The following HMGA2 variants were observed in gnomAD, a reference collection of about 807,000 sequenced individuals.
HMGA2 encodes the protein high mobility group protein HMGI-C.
Under a neutral mutation model 19.1 loss-of-function variants are expected in HMGA2, and 8 were observed. The ratio of observed to expected loss-of-function variants is 0.42; its 90% CI spans 0.25 to 0.76. The LOEUF (loss-of-function observed/expected upper bound fraction) is 0.76, where lower values mean the gene tolerates loss of function less well. HMGA2 is among the 30% of genes least tolerant of loss of function. The probability of loss-of-function intolerance (pLI) is 0.28; values close to 1 mark genes in which losing one functional copy is unlikely to be tolerated. For missense variants in HMGA2, 109 were observed against 136.3 expected (o/e 0.80, Z 1.00); for synonymous variants, 60 against 48.8 (o/e 1.23, Z -0.96).
At chr12:65,838,705 A>G (rs1007878647) in intron 3 of HMGA2, 136 bp downstream of exon 3, 15 of 690,364 alleles carry the variant, frequency 2.2e-5, no homozygotes, top group Non-Finnish European at 3.1e-5. Context: ...GGTTAAGTCA[A>G]GAGACAAATT....
At chr12:65,941,823 T>C (rs1398157656) in intron 3 of HMGA2, among the ~76,000 whole-genome samples, 3 of 152,240 alleles carry the variant, frequency 2.0e-5, no homozygotes, top group African/African-American at 7.2e-5. Context: ...ATTTTCTGAG[T>C]ATTGATTCTA....
At chr12:65,864,799 C>T (rs1314987099) in intron 3 of HMGA2, among the ~76,000 whole-genome samples, 1 of 152,120 alleles carries the variant, frequency 6.6e-6, no homozygotes, top group East Asian at 1.9e-4. Context: ...GATTATTTAA[C>T]TATGATTAGA....
At chr12:65,893,196 G>A (rs1873987829) in intron 3 of HMGA2, among the ~76,000 whole-genome samples, 1 of 152,156 alleles carries the variant, frequency 6.6e-6, no homozygotes, top group East Asian at 1.9e-4. Context: ...TCGAATTGCT[G>A]TTAGTACAGG....
chr12:65,830,761 T>C (rs1208710473), intron 2 of HMGA2: 1 of 151,926 alleles, frequency 6.6e-6, no homozygotes, highest in Non-Finnish European at 1.5e-5. Context: ...AGTGAATGAC[T>C]ACTAAATTAG....
At chr12:65,926,715 A>G (rs1307367855) in intron 3 of HMGA2, among the ~76,000 whole-genome samples, 3 of 152,210 alleles carry the variant, frequency 2.0e-5, no homozygotes, top group Non-Finnish European at 2.9e-5. Context: ...AGTCTCATTA[A>G]CCATGAAGAT....
intron 3 of HMGA2, among the ~76,000 whole-genome samples, chr12:65,923,221 A>G (rs1875383761): frequency 6.6e-6 from 1 of 152,214 alleles, no homozygotes; most frequent in Non-Finnish European, 1.5e-5. Context: ...AAGTAAAAAA[A>G]AGAAGAAAAA....
At chr12:65,866,611 A>AT (rs906333607) in intron 3 of HMGA2, among the ~76,000 whole-genome samples, 1 of 152,184 alleles carries the variant, frequency 6.6e-6, no homozygotes, top group Non-Finnish European at 1.5e-5. Context: ...AGGCAAGATG[A>AT]TTCATTATAT....
chr12:65,845,344 T>C (rs1871189151), intron 3 of HMGA2, among the ~76,000 whole-genome samples: 1 of 152,146 alleles, frequency 6.6e-6, no homozygotes, highest in Non-Finnish European at 1.5e-5. Context: ...TCTCAGCTCA[T>C]TGCAGTTTCT....
At chr12:65,903,650 TAGCAAAATGCTTCTGAC>T (rs2121184811) in intron 3 of HMGA2, among the ~76,000 whole-genome samples, 1 of 152,222 alleles carries the variant, frequency 6.6e-6, no homozygotes, top group South Asian at 2.1e-4. Context: ...GGTTAAATGT[TAGCAAAATGCTTCTGAC>T]AGGCGTGTCA....
intron 4 of HMGA2, among the ~76,000 whole-genome samples, chr12:65,959,547 C>T (rs999454289): frequency 6.6e-6 from 1 of 152,184 alleles, no homozygotes; most frequent in African/African-American, 2.4e-5. Flanking sequence ...GGGAGCTTTT[C>T]GGTGTTTAGA....
chr12:65,825,408 C>G lies in HMGA2; in HGVS notation c.111+27C>G. Reference sequence around the variant, plus strand: ...TCAGTACGAGGGCGCGGTGGGGGCACCAGCCCACCCCGTCCCCACTGCCGG... The same window carrying G: ...TCAGTACGAGGGCGCGGTGGGGGCAGCAGCCCACCCCGTCCCCACTGCCGG... On this transcript the variant is annotated intron_variant, in intron 1 of 4. Transcript: ENST00000403681. This position sits in a 1 kb window ranked among gnomAD's most constrained non-coding sequence, Gnocchi z 4.4. 6.9e-7 allele frequency: 1 copy of G among 1,456,734 alleles called. No homozygotes were observed. The highest frequency in any genetic ancestry group is 9.2e-7 in the Non-Finnish European group (1 of 1,090,516). The allele number at this position is 1,456,734 out of a possible 1,614,324, so 90.2% of individuals were successfully genotyped here.
At chr12:65,911,727 T>C (rs1458132301) in intron 3 of HMGA2, among the ~76,000 whole-genome samples, 2 of 152,194 alleles carry the variant, frequency 1.3e-5, no homozygotes, top group Non-Finnish European at 2.9e-5. Flanking sequence ...TTTCTTGTCA[T>C]ACCTGAGATG....
At chr12:65,943,084 C>G (rs1318348471) in intron 3 of HMGA2, among the ~76,000 whole-genome samples, 1 of 152,150 alleles carries the variant, frequency 6.6e-6, no homozygotes, top group Non-Finnish European at 1.5e-5. Flanking sequence ...AAATATTAAT[C>G]TAAAATTGTA....
At position 65,962,645 on chromosome 12, in the gene HMGA2, G is replaced by A. The variant is rs567637872; in HGVS notation, c.283-600G>A. 2.0e-5 allele frequency among the ~76,000 whole-genome samples: 3 copies of A among 152,228 alleles called. No homozygotes were observed. In the South Asian group the frequency reaches 6.2e-4, roughly 32 times the overall value. ...GGTGTAGGGGTCACACACAGGTGTT[G>A]GCACCAGTACCAACCCGACCCAAAT... On this transcript the variant is annotated intron_variant, in intron 4 of 4. Coordinates refer to ENST00000403681, the MANE Select transcript of HMGA2 (RefSeq NM_003483.6).
intron 3 of HMGA2, among the ~76,000 whole-genome samples, chr12:65,934,163 AT>A (rs1420580804): frequency 6.6e-6 from 1 of 152,248 alleles, no homozygotes; most frequent in Non-Finnish European, 1.5e-5. Context: ...TTTAATTCAG[AT>A]TTAAATGGCT....
At chr12:65,927,965 ATG>A (rs1427029468) in intron 3 of HMGA2, among the ~76,000 whole-genome samples, 19 of 144,178 alleles carry the variant, frequency 1.3e-4, no homozygotes, top group African/African-American at 4.1e-4. Flanking sequence ...ATATATATAT[ATG>A]TATGTATGTA....
intron 3 of HMGA2, among the ~76,000 whole-genome samples, chr12:65,934,187 A>G (rs888012681): frequency 2.0e-5 from 3 of 152,200 alleles, no homozygotes; most frequent in Non-Finnish European, 4.4e-5. Context: ...ATTGCGAGAT[A>G]TTATTCCATA....
At chr12:65,909,147 A>G (rs1041844466) in intron 3 of HMGA2, among the ~76,000 whole-genome samples, 1 of 152,224 alleles carries the variant, frequency 6.6e-6, no homozygotes, top group Non-Finnish European at 1.5e-5. Flanking sequence ...TAATTTTAAT[A>G]ACAGAAAGTA....
chr12:65,944,500 G>A (rs1308829796), intron 3 of HMGA2, among the ~76,000 whole-genome samples: 4 of 152,146 alleles, frequency 2.6e-5, no homozygotes, highest in African/African-American at 9.7e-5. Flanking sequence ...CAATCTGGCA[G>A]TCTTTGGTAA....
Sources: allele counts gnomAD v4.1 joint callset (sites outside exome capture counted in the v4.1 genomes callset), GRCh38; gene constraint gnomAD v4.1.1; non-coding constraint Gnocchi (gnomAD v3.1); transcripts MANE v1.5; gene names NCBI Gene and HGNC (gene_info 2026-07-23, HGNC 2026-07-21).